Variants in TFDP1 observed in about 807,000 individuals in gnomAD.
TFDP1 encodes the protein DRTF1-polypeptide 1.
TFDP1 carries 6 observed loss-of-function variants against 48.0 expected under a neutral mutation model. The ratio of observed to expected loss-of-function variants is 0.13; its 90% CI spans 0.07 to 0.25. The LOEUF (loss-of-function observed/expected upper bound fraction) is 0.25, where lower values mean the gene tolerates loss of function less well. Ranked by LOEUF, TFDP1 falls within the 10% of genes least tolerant of loss-of-function variation. The probability of loss-of-function intolerance (pLI) is 1.00; values close to 1 mark genes in which losing one functional copy is unlikely to be tolerated. For missense variants in TFDP1, 335 were observed against 543.0 expected (o/e 0.62, Z 3.81); for synonymous variants, 201 against 211.6 (o/e 0.95, Z 0.44).
In TFDP1 at chr13:113,623,760, C is replaced by T. The variant is rs2049052175; in HGVS notation, c.186+474C>T. 6.6e-6 allele frequency among the ~76,000 whole-genome samples: 1 copy of T among 152,216 alleles called. No homozygotes were observed. Among genetic ancestry groups the T allele is most frequent in the Admixed American group, 6.5e-5 (1 of 15,284 alleles). Reference sequence around the variant, plus strand: ...GGCAGTGACAGGGCAGATGCTGCTCCCTTGGCCACGCACAGGAGAGGGGAA... The same window carrying T: ...GGCAGTGACAGGGCAGATGCTGCTCTCTTGGCCACGCACAGGAGAGGGGAA... On this transcript the variant is annotated intron_variant, in intron 4 of 11. Transcript: ENST00000375370. This position sits in a 1 kb window ranked among gnomAD's most constrained non-coding sequence, Gnocchi z 5.2.
At position 113,627,759 on chromosome 13, in the gene TFDP1, T is replaced by C. The variant is rs1357531984; in HGVS notation, c.187-3864T>C. The stretch of plus-strand genomic sequence containing the variant: ...GTGAACGGCACATGCAGGATCTAGG[T>C]GGCACTCCGTATGAGAATCGAATGC... On this transcript the variant is annotated intron_variant, in intron 4 of 11. Coordinates refer to ENST00000375370, the MANE Select transcript of TFDP1 (RefSeq NM_007111.5). This position sits in a 1 kb window ranked among gnomAD's most constrained non-coding sequence, Gnocchi z 4.1. Among the ~76,000 whole-genome samples, 1 of 149,794 alleles carries C rather than the reference T, an allele frequency of 6.7e-6. No individual in the cohort carries two copies. Among genetic ancestry groups the C allele is most frequent in the East Asian group, 1.9e-4 (1 of 5,188 alleles).
rs114121235 is a variant in TFDP1, at chr13:113,610,132, G to C, written c.13-864G>C. 2.4e-3 allele frequency among the ~76,000 whole-genome samples: 371 copies of C among 152,238 alleles called. 1 individual carries two copies. Among genetic ancestry groups the C allele is most frequent in the African/African-American group, 8.5e-3 (355 of 41,530 alleles). ...ACGCGTGTGCTCTTGCCGTGTGGCT[G>C]TACTGTCATGTGTGTGCCCCTGCTG... On this transcript the variant is annotated intron_variant, in intron 2 of 11. Coordinates refer to ENST00000375370, the MANE Select transcript of TFDP1 (RefSeq NM_007111.5).
At chr13:113,624,852 CTCTCACGTGT>C in intron 4 of TFDP1, among the ~76,000 whole-genome samples, 1 of 146,566 alleles carries the variant, frequency 6.8e-6, no homozygotes, top group Non-Finnish European at 1.5e-5. Flanking sequence ...TCTCAGGTGT[CTCTCACGTGT>C]CCTCAGGTGT....
At chr13:113,601,043 T>C (rs2048412814) in intron 2 of TFDP1, among the ~76,000 whole-genome samples, 1 of 152,218 alleles carries the variant, frequency 6.6e-6, no homozygotes, top group African/African-American at 2.4e-5. Context: ...GAGATGAGCC[T>C]TCACGCTGTC....
intron 3 of TFDP1, among the ~76,000 whole-genome samples, chr13:113,619,910 G>T (rs1034719291): frequency 6.6e-6 from 1 of 152,144 alleles, no homozygotes; most frequent in Non-Finnish European, 1.5e-5. Flanking sequence ...GCTGGTGTGG[G>T]GGCTCAGACT....
chr13:113,632,997 C>A, intron 5 of TFDP1, 123 bp from the exon 6 acceptor site: 1 of 1,208,436 alleles, frequency 8.3e-7, no homozygotes, highest in Non-Finnish European at 1.2e-6. Flanking sequence ...GGATCTGCTG[C>A]GCCCGTGGGA....
At position 113,623,044 on chromosome 13, in the gene TFDP1, C is replaced by T; in HGVS notation, c.80-136C>T. 1 of 752,334 alleles carries T rather than the reference C, an allele frequency of 1.3e-6. No individual in the cohort carries two copies. The highest frequency in any genetic ancestry group is 2.2e-6 in the Non-Finnish European group (1 of 459,086). 46.6% of individuals were successfully genotyped at this position (752,334 alleles called of 1,614,324 possible). ...CTTCATGGAGGTGTTGCTCTTGAGC[C>T]CTGGATTTGAGACAGTACACGTGGG... On this transcript the variant is annotated intron_variant, in intron 3 of 11. Transcript: ENST00000375370. This position sits in a 1 kb window ranked among gnomAD's most constrained non-coding sequence, Gnocchi z 5.2.
At chr13:113,637,314 T>C (rs1052723324) in intron 10 of TFDP1, 1 of 279,750 alleles carries the variant, frequency 3.6e-6, no homozygotes, top group Non-Finnish European at 7.0e-6. Context: ...GTAGATTTAT[T>C]CCCTGAGAGG....
chr13:113,611,860 C>T (rs2048716408), intron 3 of TFDP1, among the ~76,000 whole-genome samples: 1 of 152,136 alleles, frequency 6.6e-6, no homozygotes, highest in South Asian at 2.1e-4. Flanking sequence ...CTTGCTTTGT[C>T]CCAAGACCTG....
At chr13:113,609,101 T>C (rs1053287824) in intron 2 of TFDP1, among the ~76,000 whole-genome samples, 1 of 152,250 alleles carries the variant, frequency 6.6e-6, no homozygotes, top group African/African-American at 2.4e-5. Context: ...CGTAGCCCTC[T>C]GCGGGGCCTG....
intron 4 of TFDP1, among the ~76,000 whole-genome samples, chr13:113,631,305 TGTGCGGTTTGGGGGTC>T (rs1244991740): frequency 6.6e-6 from 1 of 152,222 alleles, no homozygotes; most frequent in African/African-American, 2.4e-5. Flanking sequence ...TAGCGCCTTG[TGTGCGGTTTGGGGGTC>T]ACGCTCTGCC....
intron 11 of TFDP1, 98 bp downstream of exon 11, chr13:113,637,994 C>T (rs941692020): frequency 4.5e-5 from 67 of 1,490,074 alleles, no homozygotes; most frequent in Non-Finnish European, 5.9e-5. Context: ...GCCATCAGGT[C>T]TGTGGCTGCT....
chr13:113,605,003 G>C (rs1452467651), intron 2 of TFDP1, among the ~76,000 whole-genome samples: 1 of 152,208 alleles, frequency 6.6e-6, no homozygotes, highest in Non-Finnish European at 1.5e-5. Context: ...GACGTGGCTG[G>C]CTGAGCTTCC....
chr13:113,621,222 G>T (rs754790812), intron 3 of TFDP1, among the ~76,000 whole-genome samples: 53 of 152,346 alleles, frequency 3.5e-4, no homozygotes, highest in Non-Finnish European at 4.9e-4. Flanking sequence ...CGGCCGTCCG[G>T]GGAGGCCCAA....
chr13:113,595,321 G>A (rs954216352), intron 2 of TFDP1, among the ~76,000 whole-genome samples: 1 of 152,202 alleles, frequency 6.6e-6, no homozygotes, highest in Admixed American at 6.5e-5. Flanking sequence ...TTTGATTTCT[G>A]TAGACTGAAT....
At chr13:113,599,950 T>G (rs1255878046) in intron 2 of TFDP1, among the ~76,000 whole-genome samples, 37 of 113,434 alleles carry the variant, frequency 3.3e-4, no homozygotes, top group South Asian at 6.1e-4. Flanking sequence ...AGGACTGTGA[T>G]AAAGAATCCT....
chr13:113,619,481 CAAA>C (rs1162300447), intron 3 of TFDP1, among the ~76,000 whole-genome samples: 1 of 110,498 alleles, frequency 9.0e-6, no homozygotes, highest in Non-Finnish European at 2.0e-5. Context: ...AAAAAAAAAA[CAAA>C]AAAAAAAAAA....
intron 2 of TFDP1, among the ~76,000 whole-genome samples, chr13:113,587,756 G>A (rs561592790): frequency 2.8e-4 from 43 of 152,232 alleles, no homozygotes; most frequent in Middle Eastern, 3.4e-3. Flanking sequence ...GAGCCACCGC[G>A]CCCGGCCTAG....
intron 5 of TFDP1, among the ~76,000 whole-genome samples, chr13:113,632,451 C>T (rs1198029813): frequency 6.6e-6 from 1 of 152,228 alleles, no homozygotes; most frequent in Non-Finnish European, 1.5e-5. Context: ...TAAGAATTCC[C>T]AAATTTACAC....
Sources: allele counts gnomAD v4.1 joint callset (sites outside exome capture counted in the v4.1 genomes callset), GRCh38; gene constraint gnomAD v4.1.1; non-coding constraint Gnocchi (gnomAD v3.1); transcripts MANE v1.5; gene names NCBI Gene and HGNC (gene_info 2026-07-23, HGNC 2026-07-21).